The following RFTN1 variants were observed in gnomAD, a reference collection of about 807,000 sequenced individuals.
The protein encoded by RFTN1 is raftlin, lipid raft linker 1.
A neutral mutation model predicts 46.5 loss-of-function variants in RFTN1; 26 were observed. The ratio of observed to expected loss-of-function variants is 0.56; its 90% CI spans 0.41 to 0.78. RFTN1 has a LOEUF of 0.78. Ranked by LOEUF, RFTN1 falls within the 30% of genes least tolerant of loss-of-function variation. RFTN1 has a pLI of 0.00. For synonymous variants in RFTN1, 261 were observed against 284.2 expected, an observed-to-expected ratio of 0.92 and a Z score of 0.82; for missense variants, 693 against 718.7, an observed-to-expected ratio of 0.96 and a Z score of 0.41.
At chr3:16,378,298 A>G (rs1032312706) in intron 4 of RFTN1, among the ~76,000 whole-genome samples, 196 bp from the exon 5 acceptor site, 1 of 152,188 alleles carries the variant, frequency 6.6e-6, no homozygotes, top group African/African-American at 2.4e-5. Flanking sequence ...AGTTTTTTTA[A>G]TTTGTTTTAA....
chr3:16,491,183 G>A (rs2076533673), intron 2 of RFTN1, among the ~76,000 whole-genome samples: 1 of 152,170 alleles, frequency 6.6e-6, no homozygotes, highest in South Asian at 2.1e-4. Context: ...AGGTGGTCAA[G>A]GAAAGTTTCA....
intron 2 of RFTN1, among the ~76,000 whole-genome samples, chr3:16,455,491 C>A (rs1032688756): frequency 6.6e-6 from 1 of 152,130 alleles, no homozygotes; most frequent in African/African-American, 2.4e-5. Flanking sequence ...AGGACTAGTC[C>A]TGACAGATGA....
rs566005458 is a variant in RFTN1, at chr3:16,418,533, C to T, written c.333-9050G>A. Among the ~76,000 whole-genome samples the T allele has an allele frequency of 2.6e-5, 4 of 152,192 alleles. No individual in the cohort carries two copies. The South Asian group carries it at 8.3e-4, about 32-fold the overall frequency. ...AATGGTGACAAACACAAACAGATTA[C>T]TAGGCACTTCTCCAGCCAGGAAAAA... On this transcript the variant is annotated intron_variant, in intron 3 of 9. Coordinates refer to ENST00000334133, the MANE Select transcript of RFTN1 (RefSeq NM_015150.2). This position sits in a 1 kb window ranked among gnomAD's most constrained non-coding sequence, Gnocchi z 5.0.
chr3:16,422,236 A>C lies in RFTN1; in HGVS notation c.332+11615T>G, dbSNP rs1257901191. 6.6e-6 allele frequency among the ~76,000 whole-genome samples: 1 copy of C among 152,222 alleles called. No homozygotes were observed. The highest frequency in any genetic ancestry group is 1.5e-5 in the Non-Finnish European group (1 of 68,028). Reference sequence around the variant, plus strand: ...AAATTCTTCTTAAATTAGTGTGTTAATGTAACTACAATTTCAACAGAGTTT... The same window carrying C: ...AAATTCTTCTTAAATTAGTGTGTTACTGTAACTACAATTTCAACAGAGTTT... On this transcript the variant is annotated intron_variant, in intron 3 of 9. Transcript: ENST00000334133. This position sits in a 1 kb window ranked among gnomAD's most constrained non-coding sequence, Gnocchi z 4.6.
In RFTN1 at chr3:16,414,431, C is replaced by A. The variant is rs370526699; in HGVS notation, c.333-4948G>T. ...AGACCAGCCTGGCCAACATGGCAAA[C>A]CCCCATCTCTACTAAAAATACAAAA... On this transcript the variant is annotated intron_variant, in intron 3 of 9. Coordinates refer to ENST00000334133, the MANE Select transcript of RFTN1 (RefSeq NM_015150.2). 5.3e-5 allele frequency among the ~76,000 whole-genome samples: 8 copies of A among 151,594 alleles called. No individual in the cohort carries two copies. In the East Asian group the frequency reaches 1.5e-3, roughly 29 times the overall value.
rs1360244149 is a variant in RFTN1 at position 16,380,150 on chromosome 3, T to C, written c.442-2048A>G. ...TTTAAAGGCTTTTGGAAAGGCCTGA[T>C]GTGGAGCCCCAGATACGTGACTCAC... On this transcript the variant is annotated intron_variant, in intron 4 of 9. Coordinates refer to ENST00000334133, the MANE Select transcript of RFTN1 (RefSeq NM_015150.2). The surrounding 1 kb of genome is among the most constrained non-coding windows in gnomAD (Gnocchi z 4.8). Among the ~76,000 whole-genome samples the C allele has an allele frequency of 6.6e-6, 1 of 152,250 alleles. No individual in the cohort carries two copies. Among genetic ancestry groups the C allele is most frequent in the Non-Finnish European group, 1.5e-5 (1 of 68,038 alleles).
rs1417541343 is a variant in RFTN1, at chr3:16,474,953, T to C, written c.145+18772A>G. 6.6e-6 allele frequency among the ~76,000 whole-genome samples: 1 copy of C among 152,238 alleles called. No homozygotes were observed. Among genetic ancestry groups the C allele is most frequent in the Non-Finnish European group, 1.5e-5 (1 of 68,042 alleles). ...ATATTTGTCCCCTCCAAATCTCATA[T>C]TGATATTTGATCTCCCACGTTGGAG... is the stretch of plus-strand genomic sequence containing the variant. On this transcript the variant is annotated intron_variant, in intron 2 of 9. Transcript: ENST00000334133. This position sits in a 1 kb window ranked among gnomAD's most constrained non-coding sequence, Gnocchi z 5.5.
chr3:16,342,047 A>G lies in RFTN1; in HGVS notation c.1147-15171T>C, dbSNP rs968436463. 2.6e-5 allele frequency among the ~76,000 whole-genome samples: 4 copies of G among 152,204 alleles called. No individual in the cohort carries two copies. Among genetic ancestry groups the G allele is most frequent in the Non-Finnish European group, 4.4e-5 (3 of 68,042 alleles). ...CTTTTTTCAACATCTTTATTGATATATAATTGGATATCTTAAAATTCACCT... is the reference window on the plus strand; with the variant it reads ...CTTTTTTCAACATCTTTATTGATATGTAATTGGATATCTTAAAATTCACCT... On this transcript the variant is annotated intron_variant, in intron 7 of 9. Coordinates refer to ENST00000334133, the MANE Select transcript of RFTN1 (RefSeq NM_015150.2). The surrounding 1 kb of genome is among the most constrained non-coding windows in gnomAD (Gnocchi z 4.0).
intron 2 of RFTN1, chr3:16,482,764 C>G (rs2076388344): frequency 6.5e-7 from 1 of 1,536,080 alleles, no homozygotes; most frequent in African/African-American, 1.4e-5. Flanking sequence ...TCCAAGTCCA[C>G]TGCTCCATCA....
chr3:16,358,721 G>C (rs915087759), intron 6 of RFTN1, among the ~76,000 whole-genome samples: 1 of 152,038 alleles, frequency 6.6e-6, no homozygotes, highest in Non-Finnish European at 1.5e-5. Flanking sequence ...AACTATCTTA[G>C]GCAATGAGGG....
chr3:16,416,805 C>T (rs977986171), intron 3 of RFTN1, among the ~76,000 whole-genome samples: 1 of 152,168 alleles, frequency 6.6e-6, no homozygotes, highest in Non-Finnish European at 1.5e-5. Flanking sequence ...GGGGTCTATG[C>T]TTCCTCTGGT....
In RFTN1 at chr3:16,408,445, C is replaced by G. The variant is rs561975795; in HGVS notation, c.441+930G>C. ...CTGATTGGACCTCAAATCACAATCACCTGTATGGGGTGGGGAATTGTCGAT... is the reference window on the plus strand; with the variant it reads ...CTGATTGGACCTCAAATCACAATCAGCTGTATGGGGTGGGGAATTGTCGAT... On this transcript the variant is annotated intron_variant, in intron 4 of 9. Transcript: ENST00000334133. Among the ~76,000 whole-genome samples the G allele has an allele frequency of 2.4e-3, 361 of 151,600 alleles. 1 individual carries two copies. Among genetic ancestry groups the G allele is most frequent in the Middle Eastern group, 0.01 (3 of 294 alleles).
rs1003479970 is a variant in RFTN1 at position 16,422,541 on chromosome 3, G to A, written c.332+11310C>T. Among the ~76,000 whole-genome samples the A allele has an allele frequency of 6.6e-6, 1 of 151,960 alleles. No homozygotes were observed. Among genetic ancestry groups the A allele is most frequent in the Non-Finnish European group, 1.5e-5 (1 of 68,018 alleles). On this transcript the variant is annotated intron_variant, in intron 3 of 9. Transcript: ENST00000334133. This position sits in a 1 kb window ranked among gnomAD's most constrained non-coding sequence, Gnocchi z 4.6. The stretch of plus-strand genomic sequence containing the variant: ...AGCTACTCAGGAGGCTGAGGCAGGA[G>A]AATCACTTGAACCCGGGAGGCGGAA...
chr3:16,364,995 T>G (rs1213033642), intron 6 of RFTN1, among the ~76,000 whole-genome samples: 2 of 152,252 alleles, frequency 1.3e-5, no homozygotes, highest in East Asian at 1.9e-4. Context: ...TATCCTATGA[T>G]CTGTACAGTT....
In RFTN1 at chr3:16,449,186, C is replaced by A. The variant is rs143194677; in HGVS notation, c.146-15149G>T. The stretch of plus-strand genomic sequence containing the variant: ...TTATTACTTTGTTTTAACCAGAGTG[C>A]ATTTTATCTTAGTTCTAAATTATGC... On this transcript the variant is annotated intron_variant, in intron 2 of 9. Coordinates refer to ENST00000334133, the MANE Select transcript of RFTN1 (RefSeq NM_015150.2). The surrounding 1 kb of genome is among the most constrained non-coding windows in gnomAD (Gnocchi z 5.1). 3.3e-5 allele frequency among the ~76,000 whole-genome samples: 5 copies of A among 152,270 alleles called. No homozygotes were observed. The East Asian group carries it at 9.7e-4, about 29-fold the overall frequency.
At chr3:16,375,244 T>TG (rs1429724845) in intron 5 of RFTN1, among the ~76,000 whole-genome samples, 1 of 151,332 alleles carries the variant, frequency 6.6e-6, no homozygotes, top group Non-Finnish European at 1.5e-5. Context: ...TGACAGTGAG[T>TG]GGGCTTCCTA....
At chr3:16,408,669 G>T (rs547635559) in intron 4 of RFTN1, among the ~76,000 whole-genome samples, 4 of 143,106 alleles carry the variant, frequency 2.8e-5, no homozygotes, top group Non-Finnish European at 6.1e-5. Flanking sequence ...TACTATTCCT[G>T]GCCCAAAGCT....
rs146809523 is a variant in RFTN1, at chr3:16,319,583, G to A, written c.1333-2351C>T. On this transcript the variant is annotated intron_variant, in intron 9 of 9. Transcript: ENST00000334133. ...ACGTGCTAGACCTTCCATCTAATAT[G>A]AGCCCAGATACTCTCTCCGGGGCTG... is the stretch of plus-strand genomic sequence containing the variant. Among the ~76,000 whole-genome samples, 217 of 152,278 alleles carry A rather than the reference G, an allele frequency of 1.4e-3. 5 individuals carry two copies. The highest frequency in any genetic ancestry group is 2.6e-4 in the Non-Finnish European group (18 of 68,022).
rs1159748230 is a variant in RFTN1 at position 16,316,303 on chromosome 3, G to A, written c.*525C>T. 1 of 162,090 alleles carries A rather than the reference G, an allele frequency of 6.2e-6. No individual in the cohort carries two copies. Among genetic ancestry groups the A allele is most frequent in the East Asian group, 1.9e-4 (1 of 5,224 alleles). 10.0% of individuals were successfully genotyped at this position (162,090 alleles called of 1,614,324 possible). A position where few individuals can be genotyped will look rare whatever the true frequency, so the allele number is the denominator to read the frequency against. ...AGGCGGAGCACCTCCCCTCCCCAATGTCATTTTCTTTGTCAAAGCAGAAGA... is the reference window on the plus strand; with the variant it reads ...AGGCGGAGCACCTCCCCTCCCCAATATCATTTTCTTTGTCAAAGCAGAAGA... On this transcript the variant is annotated 3_prime_UTR_variant, in exon 10 of 10. Transcript: ENST00000334133. This position sits in a 1 kb window ranked among gnomAD's most constrained non-coding sequence, Gnocchi z 4.5.
Sources: gnomAD v4.1 joint callset for allele counts (sites outside exome capture counted in the v4.1 genomes callset) on GRCh38, gnomAD v4.1.1 for gene constraint, Gnocchi (gnomAD v3.1) non-coding constraint, MANE v1.5 for transcripts, NCBI Gene and HGNC (gene_info 2026-07-23, HGNC 2026-07-21) for gene names.